Variants in CSRP2 observed in about 807,000 individuals in gnomAD.
CSRP2 encodes cysteine and glycine-rich protein 2.
Under a neutral mutation model 24.6 loss-of-function variants are expected in CSRP2, and 18 were observed. The ratio of observed to expected loss-of-function variants is 0.73; its 90% CI spans 0.51 to 1.09. The LOEUF is 1.09. Ranked by LOEUF, CSRP2 falls within the 50% of genes least tolerant of loss-of-function variation. CSRP2 has a pLI of 0.00. For synonymous variants in CSRP2, 87 were observed against 84.3 expected, an observed-to-expected ratio of 1.03 and a Z score of -0.18; for missense variants, 215 against 239.4, an observed-to-expected ratio of 0.90 and a Z score of 0.67.
At chr12:76,863,931 C>T (rs1953709519) in intron 2 of CSRP2, 1 of 152,186 alleles carries the variant, frequency 6.6e-6, no homozygotes, top group Non-Finnish European at 1.5e-5. Flanking sequence ...ATCCTGAATT[C>T]TAGTTTTCAT....
At chr12:76,866,385 T>C in intron 1 of CSRP2, 124 bp from the exon 2 acceptor site, 1 of 625,506 alleles carries the variant, frequency 1.6e-6, no homozygotes, top group South Asian at 2.0e-5. Flanking sequence ...ACCACATCTT[T>C]CAAAGGCCTG....
chr12:76,877,568 T>G (rs1162301763), intron 1 of CSRP2, among the ~76,000 whole-genome samples: 1 of 152,226 alleles, frequency 6.6e-6, no homozygotes, highest in Non-Finnish European at 1.5e-5. Flanking sequence ...ACTCATGTGA[T>G]GCAGGTCTGG....
Position 76,871,304 on chromosome 12 carries a change from C to A in CSRP2, c.-1-5043G>T, listed in dbSNP as rs139006568. 2.2e-4 allele frequency among the ~76,000 whole-genome samples: 33 copies of A among 152,320 alleles called. 1 individual carries two copies. In the East Asian group the frequency reaches 6.4e-3, roughly 29 times the overall value. The stretch of plus-strand genomic sequence containing the variant: ...CATCTCACTCTATCCAGCCTGCTAT[C>A]AGTACTCTAGTAGGAAAACCCACCA... On this transcript the variant is annotated intron_variant, in intron 1 of 5. Coordinates refer to ENST00000311083, the MANE Select transcript of CSRP2 (RefSeq NM_001321.3).
chr12:76,870,696 C>T lies in CSRP2; in HGVS notation c.-1-4435G>A, dbSNP rs551415832. On this transcript the variant is annotated intron_variant, in intron 1 of 5. Transcript: ENST00000311083. Reference sequence around the variant, plus strand: ...TGTCAGAAAGCTTCAGTTGGATTTACATTTTTTTTTTTTTAAGATGGTTAG... The same window carrying T: ...TGTCAGAAAGCTTCAGTTGGATTTATATTTTTTTTTTTTTAAGATGGTTAG... Among the ~76,000 whole-genome samples the T allele has an allele frequency of 1.2e-3, 184 of 151,524 alleles. 1 individual carries two copies. Among genetic ancestry groups the T allele is most frequent in the African/African-American group, 4.2e-3 (172 of 41,334 alleles).
intron 1 of CSRP2, among the ~76,000 whole-genome samples, chr12:76,871,627 G>T (rs1037608061): frequency 6.6e-6 from 1 of 152,006 alleles, no homozygotes; most frequent in Non-Finnish European, 1.5e-5. Flanking sequence ...AGCCGGGCGC[G>T]GTGGCAGGTG....
intron 1 of CSRP2, among the ~76,000 whole-genome samples, chr12:76,874,096 G>C (rs1953828555): frequency 6.6e-6 from 1 of 152,096 alleles, no homozygotes. Flanking sequence ...TGACACAGAG[G>C]CATGCAAAAA....
At chr12:76,878,015 A>G (rs1333413738) in intron 1 of CSRP2, among the ~76,000 whole-genome samples, 4 of 129,044 alleles carry the variant, frequency 3.1e-5, no homozygotes, top group Non-Finnish European at 6.4e-5. Flanking sequence ...TTATAAAGGG[A>G]AAATGTGCTT....
intron 3 of CSRP2, chr12:76,862,685 A>G: frequency 8.3e-7 from 1 of 1,211,770 alleles, no homozygotes. Flanking sequence ...TACTCTCTCA[A>G]AGAATCAAAA....
rs1034672976 is a variant in CSRP2 at position 76,862,215 on chromosome 12, G to GT, written c.281+960dup. ...GATGTGAAAATGTGAAGTTCAAATA[G>GT]TGGAATCACTGGGTTAAAAGTAGGA... On this transcript the variant is annotated intron_variant, in intron 3 of 5. Coordinates refer to ENST00000311083, the MANE Select transcript of CSRP2 (RefSeq NM_001321.3). The GT allele has an allele frequency of 7.8e-4, 119 of 152,240 alleles. 1 individual carries two copies. Among genetic ancestry groups the GT allele is most frequent in the African/African-American group, 2.7e-3 (111 of 41,568 alleles). The allele number at this position is 152,240 out of a possible 1,614,324, so 9.4% of individuals were successfully genotyped here.
intron 3 of CSRP2, chr12:76,862,616 G>A: frequency 1.5e-6 from 1 of 659,766 alleles, no homozygotes; most frequent in Non-Finnish European, 2.2e-6. Context: ...AATACTAAGT[G>A]AACTTTCACA....
At chr12:76,872,971 A>G (rs976233213) in intron 1 of CSRP2, among the ~76,000 whole-genome samples, 2 of 152,238 alleles carry the variant, frequency 1.3e-5, no homozygotes, top group African/African-American at 4.8e-5. Context: ...GGCCATTCTC[A>G]TACCATTAGT....
At chr12:76,876,115 T>C (rs888132016) in intron 1 of CSRP2, among the ~76,000 whole-genome samples, 3 of 152,326 alleles carry the variant, frequency 2.0e-5, no homozygotes, top group Non-Finnish European at 2.9e-5. Context: ...TTCAATTCTC[T>C]CTGCTTATTT....
chr12:76,872,455 C>G (rs1158599509), intron 1 of CSRP2, among the ~76,000 whole-genome samples: 2 of 152,200 alleles, frequency 1.3e-5, no homozygotes, highest in African/African-American at 4.8e-5. Flanking sequence ...AGCCCTGGCT[C>G]TTAGAGCCAG....
intron 1 of CSRP2, among the ~76,000 whole-genome samples, chr12:76,877,567 A>T (rs1425232556): frequency 6.6e-6 from 1 of 152,240 alleles, no homozygotes; most frequent in Non-Finnish European, 1.5e-5. Context: ...GACTCATGTG[A>T]TGCAGGTCTG....
In CSRP2 at chr12:76,863,201, C is replaced by T. The variant is rs780040723; in HGVS notation, c.256G>A (p.Glu86Lys). ...CTCTCTGGTTTGATGCCCAGCCTCTCGCCACGGTCCATGTTAAGCGTGCCA... is the reference window on the plus strand; with the variant it reads ...CTCTCTGGTTTGATGCCCAGCCTCTTGCCACGGTCCATGTTAAGCGTGCCA... Reference protein sequence around the residue: ...GAGTLNMDRGERLGIKPESVQ... With the variant: ...GAGTLNMDRGKRLGIKPESVQ... The change falls in exon 3 of 6, where the codon GAG becomes AAG. Residue 86 changes from glutamate to lysine, a missense_variant. By Grantham distance (56) the Glu-to-Lys change is moderately conservative. Transcript: ENST00000311083. 6 of 1,613,688 alleles carry T rather than the reference C, an allele frequency of 3.7e-6. No individual in the cohort carries two copies. The highest frequency in any genetic ancestry group is 1.7e-5 in the Admixed American group (1 of 59,986).
At position 76,860,241 on chromosome 12, in the gene CSRP2, G is replaced by A. The variant is rs374780862; in HGVS notation, c.411+43C>T. ...GAAGGGTTAGGGGAGAAAGGGAGCAGAGAGAAGTCATTTGCTGTTATTAAT... is the reference window on the plus strand; with the variant it reads ...GAAGGGTTAGGGGAGAAAGGGAGCAAAGAGAAGTCATTTGCTGTTATTAAT... On this transcript the variant is annotated intron_variant, in intron 4 of 5. Coordinates refer to ENST00000311083, the MANE Select transcript of CSRP2 (RefSeq NM_001321.3). 3 of 1,599,740 alleles carry A rather than the reference G, an allele frequency of 1.9e-6. No homozygotes were observed. In the African/African-American group the frequency reaches 4.0e-5, roughly 21 times the overall value.
intron 1 of CSRP2, among the ~76,000 whole-genome samples, chr12:76,866,514 C>T (rs973543817): frequency 2.6e-5 from 4 of 151,576 alleles, no homozygotes; most frequent in African/African-American, 4.9e-5. Flanking sequence ...GCATTCAGTA[C>T]AATAGTACAG....
At chr12:76,864,678 G>C (rs972847890) in intron 2 of CSRP2, 3 of 151,978 alleles carry the variant, frequency 2.0e-5, no homozygotes, top group African/African-American at 7.3e-5. Flanking sequence ...AGGACAAAAG[G>C]AAGGACAGCA....
chr12:76,874,779 G>A (rs1474473232), intron 1 of CSRP2, among the ~76,000 whole-genome samples: 3 of 152,154 alleles, frequency 2.0e-5, no homozygotes, highest in East Asian at 1.9e-4. Context: ...TCATAGGAGC[G>A]GGAACGCTAT....
Sources: gnomAD v4.1 joint callset for allele counts (sites outside exome capture counted in the v4.1 genomes callset) on GRCh38, gnomAD v4.1.1 for gene constraint, MANE v1.5 for transcripts, NCBI Gene and HGNC (gene_info 2026-07-23, HGNC 2026-07-21) for gene names.